EIF4E3: variants seen among roughly 807,000 people sequenced by gnomAD.
EIF4E3 encodes the protein eukaryotic translation initiation factor 4E family member 3.
EIF4E3 carries 26 observed loss-of-function variants against 31.7 expected under a neutral mutation model. The observed-to-expected ratio is 0.82, with a 90% CI of 0.60 to 1.14. EIF4E3 has a LOEUF of 1.14. EIF4E3 is among the 50% of genes most tolerant of loss of function. EIF4E3 has a pLI of 0.00. For synonymous variants in EIF4E3, 128 were observed against 107.7 expected (o/e 1.19, Z -1.17); for missense variants, 304 against 270.9 (o/e 1.12, Z -0.86).
chr3:71,669,527 T>C, the EIF4E3 span, among the ~76,000 whole-genome samples: 1 of 152,188 alleles, frequency 6.6e-6, no homozygotes, highest in African/African-American at 2.4e-5. Context: ...ATTTTAAAAT[T>C]GTGTTTAGAA....
At chr3:71,725,511 G>C (rs1475453887), upstream of EIF4E3, 1 of 299,384 alleles carries the variant, frequency 3.3e-6, no homozygotes, top group Non-Finnish European at 4.7e-6. This position sits in a 1 kb window ranked among gnomAD's most constrained non-coding sequence, Gnocchi z 6.1. Context: ...CCCGCCGCCC[G>C]CCGCCTTCAG....
chr3:71,730,935 G>A (rs1478033612), intron 1 of EIF4E3, among the ~76,000 whole-genome samples: 1 of 151,994 alleles, frequency 6.6e-6, no homozygotes, highest in East Asian at 1.9e-4. Flanking sequence ...TGTTGTTCAG[G>A]CTGGTCTTGA....
chr3:71,742,704 T>G lies in EIF4E3; in HGVS notation c.-291+10759A>C, dbSNP rs1341139122. On this transcript the variant is annotated intron_variant, in intron 1 of 7. Transcript: ENST00000295612. ...AAAAACAGCTGGAGATCAATAACCC[T>G]CATGAATATAGATGTAAAAATTCAA... Among the ~76,000 whole-genome samples the G allele has an allele frequency of 2.0e-5, 3 of 151,976 alleles. No homozygotes were observed. The East Asian group carries it at 5.8e-4, about 29-fold the overall frequency.
At chr3:71,698,860 G>A (rs1297706547) in intron 3 of EIF4E3, among the ~76,000 whole-genome samples, 1 of 152,178 alleles carries the variant, frequency 6.6e-6, no homozygotes, top group East Asian at 1.9e-4. Flanking sequence ...GGATCTGCCA[G>A]AAACTACCCC....
Position 71,681,280 on chromosome 3 carries a change from G to C in EIF4E3, c.*3402C>G, listed in dbSNP as rs2048919177. 6.6e-6 allele frequency: 1 copy of C among 152,170 alleles called. No individual in the cohort carries two copies. The highest frequency in any genetic ancestry group is 2.1e-4 in the South Asian group (1 of 4,834). 9.4% of individuals were successfully genotyped at this position (152,170 alleles called of 1,614,324 possible). ...TAAAAAAATTCTACAAACATAGCTG[G>C]ATAAATTCTGCTGCTGAGCCAGAAC... On this transcript the variant is annotated 3_prime_UTR_variant, in exon 7 of 7. Coordinates refer to ENST00000425534, the MANE Select transcript of EIF4E3 (RefSeq NM_001134651.2).
chr3:71,733,207 C>G (rs965439865), intron 1 of EIF4E3, among the ~76,000 whole-genome samples: 4 of 152,198 alleles, frequency 2.6e-5, no homozygotes, highest in Non-Finnish European at 4.4e-5. Context: ...ACGGTAGATA[C>G]ACAAGGAGCG....
chr3:71,746,993 T>G (rs952965028), intron 1 of EIF4E3, among the ~76,000 whole-genome samples: 2 of 152,262 alleles, frequency 1.3e-5, no homozygotes, highest in African/African-American at 2.4e-5. Context: ...AGTATTCCAC[T>G]GTAGGGATAT....
intron 6 of EIF4E3, 139 bp downstream of exon 6, chr3:71,689,865 AAAACTT>A (rs1301689428): frequency 7.2e-6 from 6 of 835,632 alleles, no homozygotes; most frequent in Non-Finnish European, 9.7e-6. Flanking sequence ...AAAAAAAAAA[AAAACTT>A]AAATGTATTT....
At chr3:71,693,070 A>C (rs1261411830) in intron 5 of EIF4E3, among the ~76,000 whole-genome samples, 2 of 152,236 alleles carry the variant, frequency 1.3e-5, no homozygotes, top group African/African-American at 2.4e-5. Flanking sequence ...CATTGTCATT[A>C]GCTAAAAAGA....
chr3:71,726,899 G>A (rs1055421082), upstream of EIF4E3, among the ~76,000 whole-genome samples: 3 of 152,158 alleles, frequency 2.0e-5, no homozygotes, highest in East Asian at 5.8e-4. Context: ...ATTTTTCCAA[G>A]AAGCGTGGTA....
At position 71,750,939 on chromosome 3, in the gene EIF4E3, A is replaced by G. The variant is rs534150950; in HGVS notation, c.-291+2524T>C. Among the ~76,000 whole-genome samples the G allele has an allele frequency of 4.6e-5, 7 of 151,390 alleles. No individual in the cohort carries two copies. In the East Asian group the frequency reaches 1.4e-3, roughly 30 times the overall value. On this transcript the variant is annotated intron_variant, in intron 1 of 7. Coordinates refer to the EIF4E3 transcript ENST00000295612. ...CCACCATGCCCAGCTAATTTTTTGC[A>G]TTTTAATAGAGACGGGGTTTCACCG...
the EIF4E3 span, among the ~76,000 whole-genome samples, chr3:71,661,852 A>G: frequency 3.9e-5 from 6 of 152,198 alleles, no homozygotes; most frequent in African/African-American, 1.4e-4. Flanking sequence ...TCTGGCATTG[A>G]GTAGGTGCTC....
chr3:71,660,654 T>C, the EIF4E3 span, among the ~76,000 whole-genome samples: 8 of 152,278 alleles, frequency 5.3e-5, no homozygotes, highest in East Asian at 1.2e-3. Flanking sequence ...TATCAGCTGA[T>C]GTGAAAGAAG....
upstream of EIF4E3, among the ~76,000 whole-genome samples, chr3:71,725,593 C>A (rs74446449): frequency 0.072 from 10,898 of 151,838 alleles, 502 homozygotes; most frequent in Non-Finnish European, 0.098. This position sits in a 1 kb window ranked among gnomAD's most constrained non-coding sequence, Gnocchi z 6.1. Context: ...GACAGACCCA[C>A]GGAGGGATGG....
At chr3:71,715,817 A>G (rs2049456215) in intron 1 of EIF4E3, among the ~76,000 whole-genome samples, 1 of 152,176 alleles carries the variant, frequency 6.6e-6, no homozygotes, top group Admixed American at 6.5e-5. Context: ...ATTATCTCTA[A>G]TTCCTACAGC....
chr3:71,685,367 T>C (rs2048977806), intron 6 of EIF4E3, among the ~76,000 whole-genome samples: 1 of 152,182 alleles, frequency 6.6e-6, no homozygotes, highest in South Asian at 2.1e-4. Context: ...AGAATATATA[T>C]ATATTTTTTT....
chr3:71,728,813 CG>C (rs2108131043), upstream of EIF4E3: 1 of 152,252 alleles, frequency 6.6e-6, no homozygotes, highest in East Asian at 1.9e-4. Flanking sequence ...ATTTGAGAGC[CG>C]GGAAGAACCT....
intron 6 of EIF4E3, among the ~76,000 whole-genome samples, chr3:71,689,710 T>C (rs750128028): frequency 3.5e-4 from 53 of 152,136 alleles, no homozygotes; most frequent in Non-Finnish European, 7.2e-4. Context: ...TAGAATGTAA[T>C]TTTTTTTCTG....
chr3:71,671,374 C>T (rs908495103), downstream of EIF4E3, among the ~76,000 whole-genome samples: 37 of 152,122 alleles, frequency 2.4e-4, no homozygotes, highest in African/African-American at 8.4e-4. Flanking sequence ...GCTTGGAGCA[C>T]CCGTGTCGGA....
Sources: gnomAD v4.1 joint callset for allele counts (sites outside exome capture counted in the v4.1 genomes callset) on GRCh38, gnomAD v4.1.1 for gene constraint, Gnocchi (gnomAD v3.1) non-coding constraint, MANE v1.5 for transcripts, NCBI Gene and HGNC (gene_info 2026-07-23, HGNC 2026-07-21) for gene names.